The following ANK3 variants were observed in gnomAD, a reference collection of about 807,000 sequenced individuals.
The protein encoded by ANK3 is ankyrin 3, also known as ankyrin-3.
In ANK3, 57 loss-of-function variants were observed where a neutral mutation model predicts 370.9. The ratio of observed to expected loss-of-function variants is 0.15; its 90% CI spans 0.12 to 0.19. The LOEUF (loss-of-function observed/expected upper bound fraction) is 0.19, where lower values mean the gene tolerates loss of function less well. Among genes scored for constraint, ANK3 ranks in the 10% least tolerant of loss-of-function variants. ANK3 has a pLI of 1.00. For missense variants in ANK3, 4,439 were observed against 5,302.1 expected (o/e 0.84, Z 5.06); for synonymous variants, 1,929 against 1,946.3 (o/e 0.99, Z 0.23).
chr10:60,565,636 A>G (rs1390633967), intron 2 of ANK3, among the ~76,000 whole-genome samples: 1 of 152,104 alleles, frequency 6.6e-6, no homozygotes, highest in African/African-American at 2.4e-5. Flanking sequence ...TATACAAACC[A>G]TTGCTTAGAT....
chr10:60,716,613 A>C (rs932421968), intron 1 of ANK3, among the ~76,000 whole-genome samples: 5 of 152,192 alleles, frequency 3.3e-5, no homozygotes, highest in Admixed American at 3.3e-4. Flanking sequence ...TCCTGGGCTC[A>C]AATGATCCTC....
At chr10:60,397,468 T>C (rs1298684664) in intron 2 of ANK3, among the ~76,000 whole-genome samples, 3 of 152,174 alleles carry the variant, frequency 2.0e-5, no homozygotes, top group African/African-American at 7.2e-5. Flanking sequence ...TACTAGTGTG[T>C]TTCAATAAGC....
intron 18 of ANK3, among the ~76,000 whole-genome samples, chr10:60,176,192 A>ACC (rs534000633): frequency 6.9e-6 from 1 of 143,936 alleles, no homozygotes; most frequent in African/African-American, 2.6e-5. Context: ...AAAAAAAAAA[A>ACC]AAACAAAAAA....
intron 1 of ANK3, among the ~76,000 whole-genome samples, chr10:60,692,724 G>A (rs2133404876): frequency 6.6e-6 from 1 of 152,328 alleles, no homozygotes; most frequent in South Asian, 2.1e-4. Flanking sequence ...CATCTGATTA[G>A]TCAATCCTTT....
At chr10:60,202,881 T>A (rs1052123426) in intron 12 of ANK3, 121 bp downstream of exon 12, 38 of 649,120 alleles carry the variant, frequency 5.9e-5, no homozygotes, top group Non-Finnish European at 9.3e-5. Context: ...TATTCCAGTC[T>A]GGGAGACAGA....
chr10:60,483,308 C>T (rs2075271373), intron 2 of ANK3, among the ~76,000 whole-genome samples: 1 of 152,172 alleles, frequency 6.6e-6, no homozygotes, highest in African/African-American at 2.4e-5. Context: ...TCTGTAATAT[C>T]TCTATTTAAA....
chr10:60,675,944 A>G (rs1406533528), intron 1 of ANK3, among the ~76,000 whole-genome samples: 1 of 152,206 alleles, frequency 6.6e-6, no homozygotes, highest in Non-Finnish European at 1.5e-5. Context: ...GAGAATGAAA[A>G]AAAAAAGAAT....
At chr10:60,681,988 C>T (rs987018664) in intron 1 of ANK3, among the ~76,000 whole-genome samples, 16 of 151,964 alleles carry the variant, frequency 1.1e-4, no homozygotes, top group African/African-American at 3.9e-4. Flanking sequence ...TCCATCTCTA[C>T]AAAAAATGAA....
intron 2 of ANK3, among the ~76,000 whole-genome samples, chr10:60,590,592 T>C (rs1255272438): frequency 6.6e-6 from 1 of 152,216 alleles, no homozygotes. Flanking sequence ...TGGTTATATA[T>C]ATCTGCAGTA....
chr10:60,475,402 T>A (rs530844826), intron 2 of ANK3, among the ~76,000 whole-genome samples: 1 of 152,282 alleles, frequency 6.6e-6, no homozygotes, highest in South Asian at 2.1e-4. Context: ...TCACTACTGT[T>A]CCTTGCGTCC....
intron 9 of ANK3, among the ~76,000 whole-genome samples, chr10:60,210,389 A>G (rs769479067): frequency 2.6e-5 from 4 of 152,116 alleles, no homozygotes; most frequent in Admixed American, 6.5e-5. Context: ...ATATACGGGG[A>G]CCACAGAGAT....
intron 26 of ANK3, 60 bp downstream of exon 26, chr10:60,114,165 A>G (rs1196215466): frequency 5.7e-6 from 5 of 872,586 alleles, no homozygotes; most frequent in African/African-American, 5.1e-5. Context: ...TTATAACTCT[A>G]AGTAATAAAT....
chr10:60,503,212 C>G (rs772257714), intron 2 of ANK3, among the ~76,000 whole-genome samples: 5 of 152,048 alleles, frequency 3.3e-5, no homozygotes, highest in Non-Finnish European at 5.9e-5. Context: ...AATTAAATAA[C>G]GGTCATTAGC....
rs543558730 is a variant in ANK3 at position 60,492,276 on chromosome 10, A to T, written c.96+122910T>A. Among the ~76,000 whole-genome samples, 5 of 152,344 alleles carry T rather than the reference A, an allele frequency of 3.3e-5. No individual in the cohort carries two copies. The South Asian group carries it at 1.0e-3, about 32-fold the overall frequency. On this transcript the variant is annotated intron_variant, in intron 2 of 43. Transcript: ENST00000373827. ...GCAATGTGTGATGACTGCATTAGCT[A>T]CCATCACCATCACCATGATTCCCTC...
At chr10:60,522,584 G>A (rs1397847930) in intron 2 of ANK3, among the ~76,000 whole-genome samples, 1 of 151,946 alleles carries the variant, frequency 6.6e-6, no homozygotes, top group Non-Finnish European at 1.5e-5. Flanking sequence ...AACCTGCTGG[G>A]TTCCAGATCC....
intron 2 of ANK3, among the ~76,000 whole-genome samples, chr10:60,440,333 C>G (rs1467229840): frequency 1.3e-5 from 2 of 152,118 alleles, no homozygotes; most frequent in African/African-American, 2.4e-5. Flanking sequence ...GTATACTTGA[C>G]TCACAGTTAT....
At chr10:60,239,834 T>C (rs2097398222) in intron 7 of ANK3, among the ~76,000 whole-genome samples, 1 of 152,002 alleles carries the variant, frequency 6.6e-6, no homozygotes, top group African/African-American at 2.4e-5. Context: ...AAACTGGAAC[T>C]ATACTGTTGT....
chr10:60,677,816 A>G (rs2079146292), intron 1 of ANK3, among the ~76,000 whole-genome samples: 2 of 151,790 alleles, frequency 1.3e-5, no homozygotes, highest in East Asian at 1.9e-4. Context: ...AAAAGAAAAG[A>G]AAAAGAAAGA....
Position 60,069,789 on chromosome 10 carries a change from T to C in ANK3, c.11092A>G (p.Ser3698Gly), listed in dbSNP as rs143147597. The stretch of plus-strand genomic sequence containing the variant: ...GCTGATTTCTCCAGGGAGCCACTAC[T>C]GGATGTGCCTTCCTGACACTCTCCG... The part of the protein sequence containing the change: ...TSGECQEGTS[S>G]SGSLEKSAAA... The change falls in exon 37 of 44, where the codon AGT (serine) becomes GGT (glycine). Residue 3698 changes from serine to glycine, a missense_variant. By Grantham distance (56) the Ser-to-Gly change is moderately conservative. Around this residue, in one of 13 missense-constraint regions of ANK3, gnomAD observed 496 missense variants for 529.3 expected, o/e 0.94. Coordinates refer to ENST00000280772, the MANE Select transcript of ANK3 (RefSeq NM_020987.5). 1.9e-5 allele frequency: 31 copies of C among 1,614,148 alleles called. 1 individual carries two copies. In the African/African-American group the frequency reaches 3.6e-4, roughly 19 times the overall value.
Sources: gnomAD v4.1 joint callset for allele counts (sites outside exome capture counted in the v4.1 genomes callset) on GRCh38, gnomAD v4.1.1 for gene constraint, gnomAD v4.1.1 regional missense constraint, MANE v1.5 for transcripts, NCBI Gene and HGNC (gene_info 2026-07-23, HGNC 2026-07-21) for gene names.